Variants in CACNA2D3 observed in about 807,000 individuals in gnomAD.
CACNA2D3 encodes calcium voltage-gated channel auxiliary subunit alpha2delta 3.
Under a neutral mutation model 160.6 loss-of-function variants are expected in CACNA2D3, and 60 were observed. The ratio of observed to expected loss-of-function variants is 0.37; its 90% CI spans 0.30 to 0.46. The LOEUF (loss-of-function observed/expected upper bound fraction) is 0.46, where lower values mean the gene tolerates loss of function less well. Among genes scored for constraint, CACNA2D3 ranks in the 20% least tolerant of loss-of-function variants. The pLI, the probability that CACNA2D3 is intolerant of heterozygous loss-of-function variation, is 1.00. For missense variants in CACNA2D3, 1,205 were observed against 1,365.0 expected (o/e 0.88, Z 1.85); for synonymous variants, 558 against 492.9 (o/e 1.13, Z -1.75).
At chr3:55,068,990 A>AGAC (rs1416487984) in intron 35 of CACNA2D3, among the ~76,000 whole-genome samples, 2 of 152,208 alleles carry the variant, frequency 1.3e-5, no homozygotes, top group African/African-American at 4.8e-5. Context: ...TCATTTCTTC[A>AGAC]GACTTTCTCC....
intron 16 of CACNA2D3, among the ~76,000 whole-genome samples, chr3:54,840,880 A>G (rs1698806160): frequency 6.8e-6 from 1 of 147,922 alleles, no homozygotes; most frequent in African/African-American, 2.5e-5. Flanking sequence ...CCGCCACCAC[A>G]CCTGGCTGAT....
At chr3:54,945,259 T>C (rs1302621793) in intron 27 of CACNA2D3, among the ~76,000 whole-genome samples, 1 of 152,208 alleles carries the variant, frequency 6.6e-6, no homozygotes, top group African/African-American at 2.4e-5. Flanking sequence ...ATACATGGTG[T>C]TGATACCTGC....
intron 11 of CACNA2D3, among the ~76,000 whole-genome samples, chr3:54,735,057 T>C (rs185347682): frequency 1.3e-5 from 2 of 152,210 alleles, no homozygotes; most frequent in Non-Finnish European, 2.9e-5. Context: ...GCATTTCTTC[T>C]CTGTTCTTCA....
intron 4 of CACNA2D3, among the ~76,000 whole-genome samples, chr3:54,453,347 C>T (rs767036298): frequency 6.6e-6 from 1 of 152,154 alleles, no homozygotes; most frequent in Non-Finnish European, 1.5e-5. Flanking sequence ...CCATAATCTA[C>T]TATGACCTTT....
chr3:54,215,932 C>T (rs1313382569), intron 2 of CACNA2D3, among the ~76,000 whole-genome samples: 1 of 150,974 alleles, frequency 6.6e-6, no homozygotes, highest in African/African-American at 2.4e-5. Flanking sequence ...ATGGAACGAT[C>T]GTGATTGTGG....
chr3:54,812,817 A>C (rs1276390390), intron 13 of CACNA2D3, among the ~76,000 whole-genome samples: 1 of 152,206 alleles, frequency 6.6e-6, no homozygotes, highest in South Asian at 2.1e-4. Flanking sequence ...TTGGTGAGAT[A>C]CTTAACCATT....
chr3:54,566,171 A>G (rs1343627764), intron 6 of CACNA2D3, among the ~76,000 whole-genome samples: 2 of 152,238 alleles, frequency 1.3e-5, no homozygotes, highest in African/African-American at 2.4e-5. Flanking sequence ...AGGAGCTGGC[A>G]TAAATGCAGT....
intron 35 of CACNA2D3, among the ~76,000 whole-genome samples, chr3:55,063,501 C>T (rs1443925274): frequency 6.6e-6 from 1 of 152,066 alleles, no homozygotes; most frequent in East Asian, 1.9e-4. Context: ...ACAAAATGCT[C>T]TTCAGGTGAT....
chr3:54,777,981 C>G (rs766079849), intron 13 of CACNA2D3, among the ~76,000 whole-genome samples: 7 of 152,212 alleles, frequency 4.6e-5, no homozygotes, highest in Non-Finnish European at 1.0e-4. Context: ...TCACTGCTGG[C>G]TTAAGTAGGA....
chr3:54,321,968 A>T (rs1433187531), intron 3 of CACNA2D3, among the ~76,000 whole-genome samples: 3 of 149,772 alleles, frequency 2.0e-5, no homozygotes, highest in African/African-American at 7.3e-5. Flanking sequence ...TCAATTTGAG[A>T]GGGGGACATA....
intron 11 of CACNA2D3, among the ~76,000 whole-genome samples, chr3:54,690,513 T>C (rs1415838566): frequency 1.3e-5 from 2 of 152,176 alleles, no homozygotes; most frequent in Non-Finnish European, 2.9e-5. Flanking sequence ...ATCATCATCA[T>C]TACTTTTATC....
intron 3 of CACNA2D3, among the ~76,000 whole-genome samples, chr3:54,342,513 G>A (rs1187630346): frequency 6.6e-6 from 1 of 152,122 alleles, no homozygotes; most frequent in Non-Finnish European, 1.5e-5. Context: ...GGATAGGAGT[G>A]GGGTAGATCA....
At position 54,468,324 on chromosome 3, in the gene CACNA2D3, A is replaced by G. The variant is rs1178206104; in HGVS notation, c.382-35168A>G. ...GGGCTTTGCCTCACCTGGGAAGTGC[A>G]AGGGGTTGGGGAGCTCCCTCCCCTA... On this transcript the variant is annotated intron_variant, in intron 4 of 37. Coordinates refer to ENST00000474759, the MANE Select transcript of CACNA2D3 (RefSeq NM_018398.3). 2.0e-5 allele frequency among the ~76,000 whole-genome samples: 3 copies of G among 152,298 alleles called. No individual in the cohort carries two copies. In the East Asian group the frequency reaches 5.8e-4, roughly 29 times the overall value.
At chr3:54,426,299 G>A (rs7429237) in intron 4 of CACNA2D3, among the ~76,000 whole-genome samples, 43,025 of 152,058 alleles carry the variant, frequency 0.28, 6,334 homozygotes, top group African/African-American at 0.34. Flanking sequence ...TAAAATAGCA[G>A]TAATTTTTAT....
chr3:55,068,777 T>G (rs912331527), intron 35 of CACNA2D3, among the ~76,000 whole-genome samples: 16 of 151,868 alleles, frequency 1.1e-4, no homozygotes, highest in African/African-American at 9.7e-5. Flanking sequence ...TTAGGTGGGG[T>G]TTTTGCTTTT....
chr3:54,911,776 T>A (rs1575365903), intron 27 of CACNA2D3, among the ~76,000 whole-genome samples: 1 of 152,204 alleles, frequency 6.6e-6, no homozygotes, highest in African/African-American at 2.4e-5. Context: ...TAATATCATG[T>A]CACTCTTCTA....
At chr3:54,903,391 CT>C (rs1310848061) in intron 27 of CACNA2D3, among the ~76,000 whole-genome samples, 19 of 152,138 alleles carry the variant, frequency 1.2e-4, no homozygotes, top group Admixed American at 3.3e-4. Context: ...TGATCTCATT[CT>C]TTTTTTATGG....
At chr3:54,838,814 T>C (rs186571755) in intron 16 of CACNA2D3, among the ~76,000 whole-genome samples, 166 bp downstream of exon 16, 55 of 152,358 alleles carry the variant, frequency 3.6e-4, no homozygotes, top group Admixed American at 1.8e-3. Flanking sequence ...TAAAAGGTTT[T>C]TTTTTTATTA....
intron 31 of CACNA2D3, among the ~76,000 whole-genome samples, chr3:54,988,673 T>C (rs1190101925): frequency 2.0e-5 from 3 of 152,234 alleles, no homozygotes; most frequent in Non-Finnish European, 2.9e-5. Context: ...TGCGGCTGAA[T>C]GGCTAGGAAG....
Sources: gnomAD v4.1 joint callset for allele counts (sites outside exome capture counted in the v4.1 genomes callset) on GRCh38, gnomAD v4.1.1 for gene constraint, MANE v1.5 for transcripts, NCBI Gene and HGNC (gene_info 2026-07-23, HGNC 2026-07-21) for gene names.